PLEKHG7: variants seen among roughly 807,000 people sequenced by gnomAD.
PLEKHG7 encodes pleckstrin homology domain-containing family G member 7.
A neutral mutation model predicts 85.2 loss-of-function variants in PLEKHG7; 77 were observed. The observed-to-expected ratio is 0.90, with a 90% CI of 0.75 to 1.09. The LOEUF (loss-of-function observed/expected upper bound fraction) is 1.09, where lower values mean the gene tolerates loss of function less well. PLEKHG7 is among the 50% of genes least tolerant of loss of function. The pLI is 0.00. For synonymous variants in PLEKHG7, 301 were observed against 302.4 expected (o/e 1.00, Z 0.05); for missense variants, 777 against 804.3 (o/e 0.97, Z 0.41).
Position 92,756,284 on chromosome 12 carries a change from G to A in PLEKHG7, c.1543-14G>A, listed in dbSNP as rs7316541. On this transcript the variant is annotated splice_polypyrimidine_tract_variant and intron_variant, in intron 12 of 16. Coordinates refer to ENST00000344636, the MANE Select transcript of PLEKHG7 (RefSeq NM_001377329.1). The stretch of plus-strand genomic sequence containing the variant: ...CTAACAACATCTCTTTTATTTTCTC[G>A]CTTGTTTTACAAGTGTTTGAAACAC... 0.064 allele frequency: 100,626 copies of A among 1,569,822 alleles called. 4,640 individuals carry two copies. The highest frequency in any genetic ancestry group is 0.23 in the African/African-American group (16,822 of 73,772).
At chr12:92,710,098 G>T (rs982451083) in intron 3 of PLEKHG7, among the ~76,000 whole-genome samples, 2 of 152,160 alleles carry the variant, frequency 1.3e-5, no homozygotes, top group Non-Finnish European at 2.9e-5. Context: ...GGAACAGGAG[G>T]CAAAAATTTG....
rs567509483 is a variant in PLEKHG7 at position 92,746,215 on chromosome 12, C to A, written c.1251+624C>A. The stretch of plus-strand genomic sequence containing the variant: ...GATATTTCTTTAGTCTGAACTGAAC[C>A]TTTTCAGTCCTGTGCCAGAGCCCTT... On this transcript the variant is annotated intron_variant, in intron 10 of 16. Transcript: ENST00000344636. 4.6e-5 allele frequency among the ~76,000 whole-genome samples: 7 copies of A among 152,314 alleles called. No homozygotes were observed. The South Asian group carries it at 1.5e-3, about 32-fold the overall frequency.
intron 7 of PLEKHG7, 140 bp from the exon 8 acceptor site, chr12:92,740,713 A>G (rs1400071539): frequency 4.9e-6 from 3 of 608,944 alleles, no homozygotes; most frequent in Non-Finnish European, 8.7e-6. Flanking sequence ...CTTGAGTATA[A>G]CATTTAAACC....
chr12:92,718,952 G>A (rs1419764507), intron 3 of PLEKHG7, among the ~76,000 whole-genome samples: 2 of 152,202 alleles, frequency 1.3e-5, no homozygotes, highest in Admixed American at 6.5e-5. Context: ...TCAAACTGAT[G>A]TATAGGGTAC....
At chr12:92,766,342 C>T (rs1007635021) in intron 15 of PLEKHG7, among the ~76,000 whole-genome samples, 26 of 152,188 alleles carry the variant, frequency 1.7e-4, no homozygotes, top group African/African-American at 6.3e-4. Flanking sequence ...TAGATTGTGG[C>T]CTGACACATA....
At chr12:92,728,900 A>T in intron 3 of PLEKHG7, 93 bp from the exon 4 acceptor site, 1 of 1,028,400 alleles carries the variant, frequency 9.7e-7, no homozygotes, top group Non-Finnish European at 1.2e-6. Context: ...AACCACGCCA[A>T]CATCTGTTGT....
rs560221373 is a variant in PLEKHG7, at chr12:92,737,395, A to G, written c.813A>G (p.Glu271=). 6.5e-6 allele frequency: 10 copies of G among 1,527,776 alleles called. No individual in the cohort carries two copies. The East Asian group carries it at 2.3e-4, about 36-fold the overall frequency. 94.6% of individuals were successfully genotyped at this position (1,527,776 alleles called of 1,614,324 possible). A position where few individuals can be genotyped will look rare whatever the true frequency, so the allele number is the denominator to read the frequency against. The stretch of plus-strand genomic sequence containing the variant: ...ATGTACAGGATAAGACCTGGGATGA[A>G]GTCTTGGAAACACATCACAAACTCC... ...FYGLKDKTWD[E]VLETHHKLPT... Residue 271 remains glutamate, a synonymous_variant, in exon 7 of 17, where the codon GAA becomes GAG. Transcript: ENST00000344636.
rs146856454 is a variant in PLEKHG7, at chr12:92,720,028, G to T, written c.531-8965G>T. On this transcript the variant is annotated intron_variant, in intron 3 of 16. Coordinates refer to ENST00000344636, the MANE Select transcript of PLEKHG7 (RefSeq NM_001377329.1). Reference sequence around the variant, plus strand: ...GTTGGGAATCTGGGTCCTAAGTTGGGTGCCCTTGCCACTCAATAGGACTGC... The same window carrying T: ...GTTGGGAATCTGGGTCCTAAGTTGGTTGCCCTTGCCACTCAATAGGACTGC... 7.9e-5 allele frequency among the ~76,000 whole-genome samples: 12 copies of T among 152,334 alleles called. No individual in the cohort carries two copies. In the East Asian group the frequency reaches 1.9e-3, roughly 25 times the overall value.
chr12:92,741,252 T>G (rs1872346604), intron 8 of PLEKHG7, among the ~76,000 whole-genome samples: 1 of 152,174 alleles, frequency 6.6e-6, no homozygotes, highest in Non-Finnish European at 1.5e-5. Flanking sequence ...GCATACATTA[T>G]AAATAAATAA....
At chr12:92,722,581 T>G (rs948481728) in intron 3 of PLEKHG7, among the ~76,000 whole-genome samples, 16 of 152,166 alleles carry the variant, frequency 1.1e-4, no homozygotes, top group Admixed American at 4.6e-4. Context: ...GCTCCCTATG[T>G]GCAAATTCAA....
At chr12:92,745,644 C>T (rs1165605205) in intron 10 of PLEKHG7, 53 bp downstream of exon 10, 1 of 1,185,018 alleles carries the variant, frequency 8.4e-7, no homozygotes, top group Non-Finnish European at 1.3e-6. Context: ...TTTTGGGTGT[C>T]ACATGTACTG....
chr12:92,750,131 G>A (rs1210566566), intron 10 of PLEKHG7, among the ~76,000 whole-genome samples: 2 of 151,616 alleles, frequency 1.3e-5, no homozygotes, highest in Admixed American at 1.3e-4. Flanking sequence ...CCTTGCTCAA[G>A]CGACAGGACA....
Position 92,727,962 on chromosome 12 carries a change from G to GTGTGTGTGTGTGTA in PLEKHG7, c.531-1030_531-1029insGTGTGTGTGTGTAT, listed in dbSNP as rs760170614. On this transcript the variant is annotated intron_variant, in intron 3 of 16. Coordinates refer to ENST00000344636, the MANE Select transcript of PLEKHG7 (RefSeq NM_001377329.1). ...TGTGTGTGTGTGTGTGTGTGTGTGT[G>GTGTGTGTGTGTGTA]TATATATATATATACACATATATAC... 3.8e-4 allele frequency among the ~76,000 whole-genome samples: 37 copies of GTGTGTGTGTGTGTA among 96,582 alleles called. 1 individual carries two copies. The highest frequency in any genetic ancestry group is 2.9e-3 in the East Asian group (8 of 2,772). The allele number at this position is 96,582 out of a possible 152,430, so 63.4% of individuals were successfully genotyped here. A position where few individuals can be genotyped will look rare whatever the true frequency, so the allele number is the denominator to read the frequency against.
chr12:92,718,846 T>C (rs1329374479), intron 3 of PLEKHG7, among the ~76,000 whole-genome samples: 2 of 152,176 alleles, frequency 1.3e-5, no homozygotes, highest in Admixed American at 1.3e-4. Context: ...TCTGAACACA[T>C]GTCCTCAAAA....
intron 4 of PLEKHG7, among the ~76,000 whole-genome samples, chr12:92,731,272 T>G (rs1871985366): frequency 6.6e-6 from 1 of 152,152 alleles, no homozygotes; most frequent in African/African-American, 2.4e-5. Flanking sequence ...CCACCTAATC[T>G]CTCTTTAATA....
At position 92,706,700 on chromosome 12, in the gene PLEKHG7, G is replaced by A. The variant is rs760574393; in HGVS notation, c.69G>A (p.Ser23=). 9.9e-6 allele frequency: 16 copies of A among 1,613,930 alleles called. No individual in the cohort carries two copies. Among genetic ancestry groups the A allele is most frequent in the Middle Eastern group, 1.6e-4 (1 of 6,082 alleles). The change falls in exon 2 of 17, where the codon TCG becomes TCA. Residue 23 remains serine, a synonymous_variant. Transcript: ENST00000344636. The part of the protein sequence containing the change: ...PQDCGASPRP[S]LRSLPKNQGS... The stretch of plus-strand genomic sequence containing the variant: ...ACTGTGGAGCCTCTCCTCGGCCCTC[G>A]CTGAGGAGCCTGCCAAAGAACCAGG...
At chr12:92,736,315 C>T (rs1872146682) in intron 5 of PLEKHG7, among the ~76,000 whole-genome samples, 167 bp from the exon 6 acceptor site, 1 of 151,872 alleles carries the variant, frequency 6.6e-6, no homozygotes. Context: ...TTCTGCAGCT[C>T]CTACTAGAGC....
intron 3 of PLEKHG7, among the ~76,000 whole-genome samples, chr12:92,723,675 T>G (rs1482179872): frequency 6.6e-6 from 1 of 152,180 alleles, no homozygotes; most frequent in African/African-American, 2.4e-5. Context: ...CTGGAGAGGT[T>G]ACTCAAGTTG....
intron 9 of PLEKHG7, 46 bp downstream of exon 9, chr12:92,741,638 C>A: frequency 1.4e-6 from 2 of 1,450,816 alleles, no homozygotes; most frequent in Non-Finnish European, 1.9e-6. Context: ...TAAAATCACC[C>A]ACCTCCCAGG....
Sources: allele counts gnomAD v4.1 joint callset (sites outside exome capture counted in the v4.1 genomes callset), GRCh38; gene constraint gnomAD v4.1.1; transcripts MANE v1.5; gene names NCBI Gene and HGNC (gene_info 2026-07-23, HGNC 2026-07-21).